HSD11B1L: variants seen among roughly 807,000 people sequenced by gnomAD.
The protein encoded by HSD11B1L is hydroxysteroid 11-beta-dehydrogenase 1-like protein.
In HSD11B1L, 22 loss-of-function variants were observed where a neutral mutation model predicts 27.0. That is an observed-to-expected ratio of 0.81 (90% CI 0.58 to 1.16). HSD11B1L has a LOEUF of 1.16. Among genes scored for constraint, HSD11B1L ranks in the 50% most tolerant of loss-of-function variants. The pLI, the probability that HSD11B1L is intolerant of heterozygous loss-of-function variation, is 0.00. For synonymous variants in HSD11B1L, 187 were observed against 189.2 expected (o/e 0.99, Z 0.09); for missense variants, 372 against 401.8 (o/e 0.93, Z 0.63).
In HSD11B1L at chr19:5,687,601, G is replaced by A; in HGVS notation, c.601G>A (p.Val201Met). ...GCGGCGGGAGCTGGACGTGCAGGAC[G>A]TGAACGTGGCCATCACCATGTGCGT... Reference protein sequence around the residue: ...SLRRELDVQDVNVAITMCVLG... With the variant: ...SLRRELDVQDMNVAITMCVLG... The change falls in exon 7 of 8, where the codon GTG (valine) becomes ATG (methionine). Residue 201 changes from valine to methionine, a missense_variant. Val to Met is a conservative substitution (Grantham distance 21). Coordinates refer to ENST00000339423, the MANE Select transcript of HSD11B1L (RefSeq NM_198706.3). The surrounding 1 kb of genome is among the most constrained non-coding windows in gnomAD (Gnocchi z 6.6). The A allele has an allele frequency of 6.3e-7, 1 of 1,598,400 alleles. No individual in the cohort carries two copies. The highest frequency in any genetic ancestry group is 8.5e-7 in the Non-Finnish European group (1 of 1,178,562).
At chr19:5,684,928 G>A in intron 2 of HSD11B1L, 23 bp downstream of exon 2, 1 of 1,613,032 alleles carries the variant, frequency 6.2e-7, no homozygotes, top group Non-Finnish European at 8.5e-7. Flanking sequence ...GGTTGAGGGA[G>A]GGAGAAACCG....
chr19:5,684,809 C>A lies in HSD11B1L; in HGVS notation c.-14-10C>A. 1 of 1,613,560 alleles carries A rather than the reference C, an allele frequency of 6.2e-7. No individual in the cohort carries two copies. Among genetic ancestry groups the A allele is most frequent in the Non-Finnish European group, 8.5e-7 (1 of 1,179,958 alleles). ...TGTGCCGGCCACCTCTGTCCCCTGT[C>A]CCTCTGCAGGCCCACACAGGACCAT... On this transcript the variant is annotated splice_polypyrimidine_tract_variant and intron_variant, in intron 1 of 7. Transcript: ENST00000339423.
intron 1 of HSD11B1L, 98 bp from the exon 2 acceptor site, chr19:5,684,721 C>A: frequency 6.4e-7 from 1 of 1,574,148 alleles, no homozygotes; most frequent in South Asian, 1.1e-5. Context: ...GATAGGAAGG[C>A]GTGGATCCAA....
chr19:5,685,154 T>A lies in HSD11B1L; in HGVS notation c.204+35T>A. 3.2e-6 allele frequency: 5 copies of A among 1,539,318 alleles called. No individual in the cohort carries two copies. The highest frequency in any genetic ancestry group is 4.4e-6 in the Non-Finnish European group (5 of 1,146,432). On this transcript the variant is annotated intron_variant, in intron 3 of 7. Coordinates refer to ENST00000339423, the MANE Select transcript of HSD11B1L (RefSeq NM_198706.3). This position sits in a 1 kb window ranked among gnomAD's most constrained non-coding sequence, Gnocchi z 4.3. ...CCCATGTCTAGATGAATGGTGGGGG[T>A]GCTCATGGGGGGTGGGAAGAGAGCC... is the stretch of plus-strand genomic sequence containing the variant.
rs752071310 is a variant in HSD11B1L, at chr19:5,686,535, G to A, written c.316+8G>A. On this transcript the variant is annotated splice_region_variant and intron_variant, in intron 4 of 7. Transcript: ENST00000339423. ...TTGCGCTGGACAAGCTGGGTGAGGG[G>A]CTGGGCCTGAAGCCTGGAGTCCGGG... 9.6e-6 allele frequency: 15 copies of A among 1,565,672 alleles called. No homozygotes were observed. The highest frequency in any genetic ancestry group is 2.3e-5 in the South Asian group (2 of 85,114).
intron 1 of HSD11B1L, chr19:5,684,190 A>G (rs2054627743): frequency 2.7e-6 from 1 of 373,790 alleles, no homozygotes; most frequent in South Asian, 1.3e-4. Context: ...TAATTTTTGT[A>G]TTTTTAATAG....
Position 5,685,115 on chromosome 19 carries a change from A to G in HSD11B1L, c.200A>G (p.Gln67Arg), listed in dbSNP as rs2054654921. Residue 67 changes from glutamine to arginine, a missense_variant, in exon 3 of 8, where the codon CAG becomes CGG. Physicochemically the swap from Gln to Arg is conservative, Grantham distance 43. Transcript: ENST00000339423. The surrounding 1 kb of genome is among the most constrained non-coding windows in gnomAD (Gnocchi z 4.3). ...VLTAHTEALL[Q>R]KVVGNCRKLG... is the part of the protein sequence containing the mutation. ...ACTGCCCACACTGAGGCTCTCCTGCAGAAGGTGAGCCACCCCATGTCTAGA... is the reference window on the plus strand; with the variant it reads ...ACTGCCCACACTGAGGCTCTCCTGCGGAAGGTGAGCCACCCCATGTCTAGA... 1 of 1,547,242 alleles carries G rather than the reference A, an allele frequency of 6.5e-7. No homozygotes were observed. The highest frequency in any genetic ancestry group is 2.0e-5 in the Admixed American group (1 of 51,016).
rs1297716546 is a variant in HSD11B1L at position 5,687,618 on chromosome 19, C to T, written c.618C>T (p.Thr206=). ...LDVQDVNVAI[T]MCVLGLRDRA... is the part of the protein sequence containing the mutation. Reference sequence around the variant, plus strand: ...TGCAGGACGTGAACGTGGCCATCACCATGTGCGTCCTGGGCCTCCGAGATC... The same window carrying T: ...TGCAGGACGTGAACGTGGCCATCACTATGTGCGTCCTGGGCCTCCGAGATC... The change falls in exon 7 of 8, where the codon ACC becomes ACT. Residue 206 remains threonine (T), a synonymous_variant. Transcript: ENST00000339423. The surrounding 1 kb of genome is among the most constrained non-coding windows in gnomAD (Gnocchi z 6.6). The T allele has an allele frequency of 1.1e-5, 18 of 1,597,446 alleles. No homozygotes were observed. The highest frequency in any genetic ancestry group is 1.5e-5 in the Non-Finnish European group (18 of 1,178,028).
In HSD11B1L at chr19:5,687,369, C is replaced by A; in HGVS notation, c.496C>A (p.Leu166Met). 1 of 1,611,936 alleles carries A rather than the reference C, an allele frequency of 6.2e-7. No individual in the cohort carries two copies. Among genetic ancestry groups the A allele is most frequent in the Non-Finnish European group, 8.5e-7 (1 of 1,179,644 alleles). ...GGGCTCCCTGGTGGTGGTGTCCTCG[C>A]TGCTCGGTGCGTGCACCCGGCCCCG... is the stretch of plus-strand genomic sequence containing the variant. ...SKGSLVVVSS[L>M]LGRVPTSFST... Residue 166 changes from leucine to methionine, a missense_variant, in exon 6 of 8, where the codon CTG becomes ATG. Physicochemically the swap from Leu to Met is conservative, Grantham distance 15. Transcript: ENST00000339423. This position sits in a 1 kb window ranked among gnomAD's most constrained non-coding sequence, Gnocchi z 6.6.
chr19:5,686,561 A>T (rs1198878494), intron 4 of HSD11B1L, 34 bp downstream of exon 4: 1 of 1,508,264 alleles, frequency 6.6e-7, no homozygotes, highest in Non-Finnish European at 9.0e-7. Context: ...GGAGTCCGGG[A>T]CCGTGGCCTA....
intron 1 of HSD11B1L, 111 bp from the exon 2 acceptor site, chr19:5,684,708 G>A: frequency 1.3e-6 from 2 of 1,544,778 alleles, no homozygotes; most frequent in Non-Finnish European, 1.7e-6. Context: ...GGCTGTGGAG[G>A]TGGATAGGAA....
In HSD11B1L at chr19:5,687,140, C is replaced by T. The variant is rs2145558778; in HGVS notation, c.409-142C>T. 3 of 1,147,336 alleles carry T rather than the reference C, an allele frequency of 2.6e-6. No homozygotes were observed. The highest frequency in any genetic ancestry group is 1.4e-5 in the South Asian group (1 of 69,236). The allele number at this position is 1,147,336 out of a possible 1,614,324, so 71.1% of individuals were successfully genotyped here. On this transcript the variant is annotated intron_variant, in intron 5 of 7. Transcript: ENST00000339423. The surrounding 1 kb of genome is among the most constrained non-coding windows in gnomAD (Gnocchi z 6.6). ...CCCCTCCTAGCCCAAGCCCCTGCTC[C>T]GGCCTTGACCCCGCCCTCGGACCCG...
chr19:5,688,011 G>A lies in HSD11B1L; in HGVS notation c.*66G>A. The A allele has an allele frequency of 6.4e-7, 1 of 1,551,468 alleles. No homozygotes were observed. On this transcript the variant is annotated 3_prime_UTR_variant, in exon 8 of 8. Coordinates refer to ENST00000339423, the MANE Select transcript of HSD11B1L (RefSeq NM_198706.3). Reference sequence around the variant, plus strand: ...CTCCCTCCAACTGTCCCTGGAGCCAGAACACTCACAGAGACACCCCTGAGA... The same window carrying A: ...CTCCCTCCAACTGTCCCTGGAGCCAAAACACTCACAGAGACACCCCTGAGA...
Position 5,686,940 on chromosome 19 carries a change from C to G in HSD11B1L, c.357C>G (p.Ala119=). Reference sequence around the variant, plus strand: ...TCGTGCTGAACCACATCGGCGGCGCCCCGGCCGGCACGCGAGCCCGCAGCC... The same window carrying G: ...TCGTGCTGAACCACATCGGCGGCGCGCCGGCCGGCACGCGAGCCCGCAGCC... The part of the protein sequence containing the change: ...DYLVLNHIGG[A]PAGTRARSPQ... Residue 119 remains alanine (A), a synonymous_variant, in exon 5 of 8, where the codon GCC becomes GCG. Transcript: ENST00000339423. 1 of 1,553,326 alleles carries G rather than the reference C, an allele frequency of 6.4e-7. No individual in the cohort carries two copies.
chr19:5,681,620 GTCCATCCA>G lies in HSD11B1L; in HGVS notation c.-15+375_-15+382del, dbSNP rs547679811. Among the ~76,000 whole-genome samples, 290 of 149,632 alleles carry G rather than the reference GTCCATCCA, an allele frequency of 1.9e-3. 2 individuals are homozygous for G. The East Asian group carries it at 0.036, about 19-fold the overall frequency. Reference sequence around the variant, plus strand: ...TATCTGGCCACCCACTCATCTATCCGTCCATCCATCCATCCATCCATCCATCCATCCAT... The same window carrying G: ...TATCTGGCCACCCACTCATCTATCCGTCCATCCATCCATCCATCCATCCAT... On this transcript the variant is annotated intron_variant, in intron 1 of 7. Transcript: ENST00000339423.
rs377358816 is a variant in HSD11B1L at position 5,684,938 on chromosome 19, G to A, written c.73+33G>A. 17 of 1,612,768 alleles carry A rather than the reference G, an allele frequency of 1.1e-5. No homozygotes were observed. In the East Asian group the frequency reaches 1.3e-4, roughly 13 times the overall value. ...CCTGGGGTTGAGGGAGGGAGAAACCGGGCCAGCTGTCCTGTCCTCCGCCCA... is the reference window on the plus strand; with the variant it reads ...CCTGGGGTTGAGGGAGGGAGAAACCAGGCCAGCTGTCCTGTCCTCCGCCCA... On this transcript the variant is annotated intron_variant, in intron 2 of 7. Coordinates refer to ENST00000339423, the MANE Select transcript of HSD11B1L (RefSeq NM_198706.3).
At chr19:5,684,050 A>G (rs2054623500) in intron 1 of HSD11B1L, 2 of 485,960 alleles carry the variant, frequency 4.1e-6, no homozygotes, top group Admixed American at 6.8e-5. Context: ...ATCTCGGCAC[A>G]CTACAACTTC....
Position 5,685,475 on chromosome 19 carries a change from G to A in HSD11B1L, c.204+356G>A, listed in dbSNP as rs1390312987. On this transcript the variant is annotated intron_variant, in intron 3 of 7. Coordinates refer to ENST00000339423, the MANE Select transcript of HSD11B1L (RefSeq NM_198706.3). This position sits in a 1 kb window ranked among gnomAD's most constrained non-coding sequence, Gnocchi z 4.3. ...GCCTGTAATCCTAGCACTTTGGGAGGCCAAGGCGGATGGATCACTTGAGGT... is the reference window on the plus strand; with the variant it reads ...GCCTGTAATCCTAGCACTTTGGGAGACCAAGGCGGATGGATCACTTGAGGT... 9.3e-5 allele frequency: 34 copies of A among 365,588 alleles called. 1 individual carries two copies. In the East Asian group the frequency reaches 2.4e-3, roughly 26 times the overall value. 22.6% of individuals were successfully genotyped at this position (365,588 alleles called of 1,614,324 possible).
intron 1 of HSD11B1L, chr19:5,683,888 T>G (rs917523915): frequency 4.1e-6 from 1 of 243,870 alleles, no homozygotes; most frequent in African/African-American, 2.3e-5. Flanking sequence ...AGTGAGACTC[T>G]GCCTCAAAAA....
Sources: gnomAD v4.1 joint callset for allele counts (sites outside exome capture counted in the v4.1 genomes callset) on GRCh38, gnomAD v4.1.1 for gene constraint, Gnocchi (gnomAD v3.1) non-coding constraint, MANE v1.5 for transcripts, NCBI Gene and HGNC (gene_info 2026-07-23, HGNC 2026-07-21) for gene names.